Variants in USP54 observed in about 807,000 individuals in gnomAD.
USP54 encodes the protein ubiquitin specific peptidase 54, also known as ubiquitin carboxyl-terminal hydrolase 54.
Under a neutral mutation model 170.5 loss-of-function variants are expected in USP54, and 87 were observed. The ratio of observed to expected loss-of-function variants is 0.51; its 90% CI spans 0.43 to 0.61. The LOEUF (loss-of-function observed/expected upper bound fraction) is 0.61, where lower values mean the gene tolerates loss of function less well. Among genes scored for constraint, USP54 ranks in the 20% least tolerant of loss-of-function variants. USP54 has a pLI of 0.00. For missense variants in USP54, 1,786 were observed against 2,047.8 expected (o/e 0.87, Z 2.47); for synonymous variants, 655 against 742.8 (o/e 0.88, Z 1.92).
intron 4 of USP54, among the ~76,000 whole-genome samples, chr10:73,548,084 A>G (rs1024171688): frequency 5.3e-5 from 8 of 152,234 alleles, no homozygotes; most frequent in African/African-American, 9.6e-5. Context: ...ATGAACAGAC[A>G]CTTCTCAAAA....
At chr10:73,596,567 A>C (rs2078749632) in intron 1 of USP54, among the ~76,000 whole-genome samples, 1 of 151,502 alleles carries the variant, frequency 6.6e-6, no homozygotes, top group Non-Finnish European at 1.5e-5. Flanking sequence ...TCAAAAAAAA[A>C]ATCAGCCAGG....
rs1174307871 is a variant in USP54 at position 73,600,268 on chromosome 10, C to A, written c.-17-24593G>T. 2.6e-5 allele frequency among the ~76,000 whole-genome samples: 4 copies of A among 152,106 alleles called. No individual in the cohort carries two copies. In the South Asian group the frequency reaches 8.3e-4, roughly 32 times the overall value. The stretch of plus-strand genomic sequence containing the variant: ...TTCTCAGGATTGCACATAAAATTTT[C>A]TCTGCTAAAAATTGATTTTTTAATT... On this transcript the variant is annotated intron_variant, in intron 1 of 22. Coordinates refer to the USP54 transcript ENST00000339859.
chr10:73,565,602 G>A (rs377549160), intron 4 of USP54, among the ~76,000 whole-genome samples: 17 of 152,196 alleles, frequency 1.1e-4, no homozygotes, highest in South Asian at 4.2e-4. Flanking sequence ...ATATTTTTCC[G>A]TTTGTTACGT....
chr10:73,585,445 G>A (rs2077366753), intron 1 of USP54, among the ~76,000 whole-genome samples: 3 of 152,172 alleles, frequency 2.0e-5, no homozygotes, highest in African/African-American at 7.2e-5. Context: ...AGACCGCAAA[G>A]GGAAGCCCAG....
rs2076008494 is a variant in USP54, at chr10:73,575,591, C to T, written c.68G>A (p.Ser23Asn). 6.2e-7 allele frequency: 1 copy of T among 1,613,940 alleles called. No individual in the cohort carries two copies. The highest frequency in any genetic ancestry group is 1.1e-5 in the South Asian group (1 of 91,050). ...TTTGCTGGGGGCTATGGAGGTTGAGCTTCGAGGTGCAAACATCCCTTGTAC... is the reference window on the plus strand; with the variant it reads ...TTTGCTGGGGGCTATGGAGGTTGAGTTTCGAGGTGCAAACATCCCTTGTAC... ...GSVQGMFAPRSSTSIAPSKGL... is the reference protein window; with the variant it reads ...GSVQGMFAPRNSTSIAPSKGL... Residue 23 changes from serine to asparagine, a missense_variant, in exon 3 of 24, where the codon AGC becomes AAC. By Grantham distance (46) the Ser-to-Asn change is conservative. Coordinates refer to ENST00000687698, the MANE Select transcript of USP54 (RefSeq NM_001391956.1).
chr10:73,602,855 CAAAAAA>C (rs60433926), intron 1 of USP54, among the ~76,000 whole-genome samples: 9 of 41,428 alleles, frequency 2.2e-4, no homozygotes, highest in Admixed American at 5.7e-4. Flanking sequence ...GACTCTGTCT[CAAAAAA>C]AAAAAAAAAA....
chr10:73,526,388 C>G (rs867068988), intron 16 of USP54, among the ~76,000 whole-genome samples: 1 of 152,124 alleles, frequency 6.6e-6, no homozygotes, highest in Non-Finnish European at 1.5e-5. Flanking sequence ...GCTGGGACTA[C>G]AGGTGCACGC....
chr10:73,609,802 C>T (rs953413850), intron 1 of USP54, among the ~76,000 whole-genome samples: 1 of 151,108 alleles, frequency 6.6e-6, no homozygotes, highest in African/African-American at 2.4e-5. Flanking sequence ...CAAGATCATG[C>T]CACTGCACTC....
intron 10 of USP54, among the ~76,000 whole-genome samples, chr10:73,537,477 A>C (rs2065468319): frequency 6.6e-6 from 1 of 152,146 alleles, no homozygotes; most frequent in African/African-American, 2.4e-5. Context: ...CATGCAGATC[A>C]CATAAGCCAC....
chr10:73,612,449 A>G (rs565712792), intron 1 of USP54, among the ~76,000 whole-genome samples: 1 of 152,320 alleles, frequency 6.6e-6, no homozygotes, highest in Non-Finnish European at 1.5e-5. Context: ...TACAAGCATT[A>G]TAACAGCCTA....
At chr10:73,599,508 T>C (rs1299534100) in intron 1 of USP54, among the ~76,000 whole-genome samples, 3 of 152,194 alleles carry the variant, frequency 2.0e-5, no homozygotes, top group Non-Finnish European at 4.4e-5. Flanking sequence ...TTTTTGGATA[T>C]AAAGACATTT....
intron 19 of USP54, 119 bp from the exon 20 acceptor site, chr10:73,517,866 CAGAA>C: frequency 1.5e-6 from 2 of 1,302,670 alleles, no homozygotes; most frequent in South Asian, 3.0e-5. Flanking sequence ...TAAAAATAAA[CAGAA>C]AGACAAGCAC....
At chr10:73,556,814 C>T (rs937220601) in intron 4 of USP54, among the ~76,000 whole-genome samples, 1 of 152,126 alleles carries the variant, frequency 6.6e-6, no homozygotes, top group Non-Finnish European at 1.5e-5. Flanking sequence ...CCCATTAGAA[C>T]AGTCTAACCG....
chr10:73,611,059 CAGTG>C (rs1337569115), intron 1 of USP54, among the ~76,000 whole-genome samples: 1 of 152,102 alleles, frequency 6.6e-6, no homozygotes, highest in Non-Finnish European at 1.5e-5. Context: ...AGAAAAGCAA[CAGTG>C]AGTTTTTTAA....
chr10:73,621,731 A>G (rs1199198339), intron 1 of USP54, among the ~76,000 whole-genome samples: 1 of 152,164 alleles, frequency 6.6e-6, no homozygotes, highest in Non-Finnish European at 1.5e-5. Context: ...CACTTGCTGG[A>G]AGCTTACAAA....
chr10:73,588,306 G>A lies in USP54; in HGVS notation c.-582+2972C>T, dbSNP rs902969522. Among the ~76,000 whole-genome samples the A allele has an allele frequency of 3.9e-5, 6 of 152,028 alleles. No homozygotes were observed. The East Asian group carries it at 9.7e-4, about 24-fold the overall frequency. ...GTGATCTTGGCTCACCGCAACCTCCGCCTCGCAGACTCAAGCAATTCTCCT... is the reference window on the plus strand; with the variant it reads ...GTGATCTTGGCTCACCGCAACCTCCACCTCGCAGACTCAAGCAATTCTCCT... On this transcript the variant is annotated intron_variant, in intron 1 of 23. Transcript: ENST00000687698.
chr10:73,600,842 G>A (rs1372491421), intron 1 of USP54, among the ~76,000 whole-genome samples: 2 of 151,962 alleles, frequency 1.3e-5, no homozygotes, highest in Non-Finnish European at 2.9e-5. Flanking sequence ...TGAACCCGGG[G>A]GGCGGAGGTT....
At chr10:73,558,508 C>T (rs2071831256) in intron 4 of USP54, among the ~76,000 whole-genome samples, 1 of 152,094 alleles carries the variant, frequency 6.6e-6, no homozygotes, top group Admixed American at 6.5e-5. Context: ...AAATTGTATA[C>T]AGGCATGAAC....
chr10:73,615,530 G>T (rs2080549481), intron 1 of USP54, among the ~76,000 whole-genome samples: 1 of 150,312 alleles, frequency 6.7e-6, no homozygotes, highest in Admixed American at 6.6e-5. Context: ...CATTTTACAT[G>T]ATTTGATTAT....
Sources: allele counts gnomAD v4.1 joint callset (sites outside exome capture counted in the v4.1 genomes callset), GRCh38; gene constraint gnomAD v4.1.1; transcripts MANE v1.5; gene names NCBI Gene and HGNC (gene_info 2026-07-23, HGNC 2026-07-21).